Variants in SORBS2 observed in about 807,000 individuals in gnomAD.
SORBS2 encodes sorbin and SH3 domain-containing protein 2.
Under a neutral mutation model 97.7 loss-of-function variants are expected in SORBS2, and 46 were observed. That is an observed-to-expected ratio of 0.47 (90% confidence interval 0.37 to 0.60). The LOEUF (loss-of-function observed/expected upper bound fraction) is 0.60, where lower values mean the gene tolerates loss of function less well. Ranked by LOEUF, SORBS2 falls within the 20% of genes least tolerant of loss-of-function variation. The pLI is 0.00. For missense variants in SORBS2, 1,316 were observed against 1,282.3 expected (o/e 1.03, Z -0.40); for synonymous variants, 476 against 473.4 (o/e 1.01, Z -0.07).
intron 2 of SORBS2, among the ~76,000 whole-genome samples, chr4:185,719,145 T>C (rs1342227703): frequency 6.6e-6 from 1 of 152,216 alleles, no homozygotes; most frequent in Non-Finnish European, 1.5e-5. Context: ...TTAAAGTATA[T>C]GTTTTAGAAA....
upstream of SORBS2, among the ~76,000 whole-genome samples, chr4:185,660,201 T>G (rs2097493316): frequency 6.6e-6 from 1 of 152,166 alleles, no homozygotes; most frequent in South Asian, 2.1e-4. Flanking sequence ...TCAAGTATTT[T>G]TGTTGTTGTT....
chr4:185,672,953 T>A (rs1164419718), intron 4 of SORBS2, among the ~76,000 whole-genome samples: 1 of 152,204 alleles, frequency 6.6e-6, no homozygotes, highest in African/African-American at 2.4e-5. Flanking sequence ...ATCATCAAGA[T>A]GTAGAAACAA....
intron 6 of SORBS2, among the ~76,000 whole-genome samples, chr4:185,625,550 G>C (rs2096796235): frequency 6.6e-6 from 1 of 152,218 alleles, no homozygotes; most frequent in South Asian, 2.1e-4. Context: ...CATTCCCTGT[G>C]ATGAAACAAA....
rs61116773 is a variant in SORBS2, at chr4:185,690,502, G to T, written c.-197-11680C>A. On this transcript the variant is annotated intron_variant, in intron 2 of 20. Transcript: ENST00000284776. ...AGAAGAGTGCTAAACTAATGATTTA[G>T]GGCCAACATGATTTTTAGAGAGCAA... 7.0e-6 allele frequency: 8 copies of T among 1,137,056 alleles called. No homozygotes were observed. The African/African-American group carries it at 1.2e-4, about 17-fold the overall frequency. The allele number at this position is 1,137,056 out of a possible 1,614,324, so 70.4% of individuals were successfully genotyped here.
intron 1 of SORBS2, among the ~76,000 whole-genome samples, chr4:185,892,512 A>G (rs1186510627): frequency 6.6e-6 from 1 of 152,238 alleles, no homozygotes; most frequent in Admixed American, 6.5e-5. Context: ...AAAGGTGGAA[A>G]CAACTCAAGG....
At position 185,934,402 on chromosome 4, in the gene SORBS2, T is replaced by A. The variant is rs1175723487; in HGVS notation, c.-338+21794A>T. Among the ~76,000 whole-genome samples the A allele has an allele frequency of 2.0e-5, 3 of 152,154 alleles. No homozygotes were observed. The East Asian group carries it at 5.8e-4, about 29-fold the overall frequency. On this transcript the variant is annotated intron_variant, in intron 1 of 20. Transcript: ENST00000284776. ...ACCCTTCTAGAATAAAGGCATCCAA[T>A]TTGCTTTTGTTTAGAAAACTCTCAC...
intron 1 of SORBS2, among the ~76,000 whole-genome samples, chr4:185,952,149 C>T (rs1189724593): frequency 6.6e-6 from 1 of 152,074 alleles, no homozygotes; most frequent in Non-Finnish European, 1.5e-5. Context: ...CTCAGCCTCC[C>T]AAGTAGCTGG....
At chr4:185,638,918 G>A (rs1329788663) in intron 4 of SORBS2, 8 of 1,502,826 alleles carry the variant, frequency 5.3e-6, no homozygotes, top group Non-Finnish European at 7.1e-6. Flanking sequence ...CTTGGTGTGG[G>A]GGCGCCACTC....
chr4:185,802,331 T>G (rs977178229), intron 1 of SORBS2, among the ~76,000 whole-genome samples: 1 of 152,202 alleles, frequency 6.6e-6, no homozygotes, highest in African/African-American at 2.4e-5. Flanking sequence ...TGGCTTATTC[T>G]CTCATCTTTT....
chr4:185,615,837 T>C (rs529036755), intron 9 of SORBS2, among the ~76,000 whole-genome samples: 11 of 152,318 alleles, frequency 7.2e-5, no homozygotes, highest in African/African-American at 2.6e-4. Flanking sequence ...AAAATAAAAA[T>C]ATTTTTAAGA....
At chr4:185,715,206 G>T (rs1404495607) in intron 2 of SORBS2, among the ~76,000 whole-genome samples, 2 of 152,200 alleles carry the variant, frequency 1.3e-5, no homozygotes, top group Non-Finnish European at 2.9e-5. Context: ...AAGACTAAAA[G>T]TAGAAGTTAT....
chr4:185,825,793 T>C (rs1224338846), intron 1 of SORBS2, among the ~76,000 whole-genome samples: 1 of 152,124 alleles, frequency 6.6e-6, no homozygotes, highest in East Asian at 1.9e-4. Context: ...ACTCCTGAGG[T>C]TAATGAAATA....
intron 1 of SORBS2, among the ~76,000 whole-genome samples, chr4:185,934,061 C>T (rs1381205440): frequency 6.6e-6 from 1 of 152,202 alleles, no homozygotes. Context: ...AGGGAAGACA[C>T]ATCCGTCAAC....
chr4:185,882,298 C>T (rs34458168), intron 1 of SORBS2, among the ~76,000 whole-genome samples: 41,846 of 151,944 alleles, frequency 0.28, 6,021 homozygotes, highest in East Asian at 0.54. Context: ...TTCTATACAC[C>T]AGCAATGAAT....
At chr4:185,859,305 A>G (rs1320261457) in intron 1 of SORBS2, among the ~76,000 whole-genome samples, 2 of 152,184 alleles carry the variant, frequency 1.3e-5, no homozygotes, top group African/African-American at 4.8e-5. Flanking sequence ...TATTTTTCCC[A>G]TGAGACAAAA....
chr4:185,870,475 A>T (rs1268013205), intron 1 of SORBS2, among the ~76,000 whole-genome samples: 1 of 152,212 alleles, frequency 6.6e-6, no homozygotes, highest in African/African-American at 2.4e-5. Context: ...TTATGTTTCA[A>T]ACTGTTTGTC....
chr4:185,750,725 G>A (rs910625663), intron 2 of SORBS2, among the ~76,000 whole-genome samples: 4 of 152,128 alleles, frequency 2.6e-5, no homozygotes, highest in African/African-American at 9.7e-5. Context: ...GCTCCCTTTG[G>A]TGCAGTGAGT....
At chr4:185,880,323 C>A (rs996416878) in intron 1 of SORBS2, among the ~76,000 whole-genome samples, 1 of 152,106 alleles carries the variant, frequency 6.6e-6, no homozygotes, top group East Asian at 1.9e-4. Context: ...TCTGCATAGT[C>A]GGGGAGCATG....
chr4:185,825,470 ACT>A (rs1458928677), intron 1 of SORBS2, among the ~76,000 whole-genome samples: 2 of 152,204 alleles, frequency 1.3e-5, no homozygotes, highest in African/African-American at 2.4e-5. Context: ...TTACTTCAGC[ACT>A]GTTTTAATGA....
Sources: allele counts gnomAD v4.1 joint callset (sites outside exome capture counted in the v4.1 genomes callset), GRCh38; gene constraint gnomAD v4.1.1; transcripts MANE v1.5; gene names NCBI Gene and HGNC (gene_info 2026-07-23, HGNC 2026-07-21).